Variants in RBMX2 observed in about 807,000 individuals in gnomAD.
The protein encoded by RBMX2 is RNA-binding motif protein, X-linked 2.
For missense variants in RBMX2, 191 were observed against 256.0 expected (o/e 0.75, Z 1.73); for synonymous variants, 77 against 94.3 (o/e 0.82, Z 1.07).
At chrX:130,407,864 T>G (rs935584180) in intron 3 of RBMX2, among the ~76,000 whole-genome samples, 3 of 111,002 alleles carry the variant, frequency 2.7e-5, no homozygotes, top group Non-Finnish European at 3.8e-5. Flanking sequence ...CTGGCCGTAT[T>G]GTCCAGGCTG....
chrX:130,404,713 G>A (rs2034475611), intron 3 of RBMX2, among the ~76,000 whole-genome samples: 2 of 112,923 alleles, frequency 1.8e-5, no homozygotes, highest in South Asian at 7.3e-4. Flanking sequence ...CATGGACAGA[G>A]GGCCCTGGCC....
chrX:130,402,555 A>C (rs746667171), intron 2 of RBMX2, among the ~76,000 whole-genome samples, 185 bp downstream of exon 2: 7 of 111,694 alleles, frequency 6.3e-5, no homozygotes, highest in Non-Finnish European at 1.1e-4. Flanking sequence ...CTTCCCTGCC[A>C]AATCAGTGCT....
chrX:130,406,091 G>A (rs1306978778), intron 3 of RBMX2, among the ~76,000 whole-genome samples: 1 of 66,165 alleles, frequency 1.5e-5, no homozygotes, highest in African/African-American at 1.6e-4. Flanking sequence ...TCTTGACCTC[G>A]TGATCCGCCC....
Position 130,412,853 on chromosome X carries a change from T to C in RBMX2, c.*5T>C. The C allele has an allele frequency of 8.3e-7, 1 of 1,199,978 alleles. No individual in the cohort carries two copies. Among genetic ancestry groups the C allele is most frequent in the South Asian group, 1.8e-5 (1 of 55,270 alleles). ...AGTGACCGTTGGCGTCACTGAAGAC[T>C]TCAGCTGCACAGTAGATTTGGAAAT... On this transcript the variant is annotated 3_prime_UTR_variant, in exon 6 of 6. Transcript: ENST00000305536.
chrX:130,403,611 G>C (rs779726903), intron 2 of RBMX2, among the ~76,000 whole-genome samples, 191 bp from the exon 3 acceptor site: 1 of 111,777 alleles, frequency 8.9e-6, no homozygotes. Flanking sequence ...GACCTCAGGT[G>C]ATCCACCCTC....
rs1286389851 is a variant in RBMX2 at position 130,413,343 on chromosome X, A to G, written c.*495A>G. 8.9e-6 allele frequency: 1 copy of G among 112,390 alleles called. No individual in the cohort carries two copies. Among genetic ancestry groups the G allele is most frequent in the Non-Finnish European group, 1.9e-5 (1 of 53,564 alleles). The allele number at this position is 112,390 out of a possible 1,213,427, so 9.3% of individuals were successfully genotyped here. On this transcript the variant is annotated 3_prime_UTR_variant, in exon 6 of 6. Coordinates refer to ENST00000305536, the MANE Select transcript of RBMX2 (RefSeq NM_016024.4). ...TTTCATTAAAACTTTTTTGTTCGAT[A>G]TGCCTCTTTCCACATTTTTTCCTTG...
At chrX:130,409,158 C>G in intron 3 of RBMX2, 99 bp from the exon 4 acceptor site, 1 of 752,110 alleles carries the variant, frequency 1.3e-6, no homozygotes, top group Non-Finnish European at 1.9e-6. Flanking sequence ...AGATGCATCT[C>G]TTGTATACAC....
rs192040820 is a variant in RBMX2 at position 130,403,654 on chromosome X, T to G, written c.122-148T>G. ...TCCCAAAGTGTTGGGATTACAGGCG[T>G]GAGCCACGGTGCCCAGCCCAGACTT... On this transcript the variant is annotated intron_variant, in intron 2 of 5. Transcript: ENST00000305536. 1.9e-3 allele frequency: 1,002 copies of G among 530,390 alleles called. 5 individuals carry two copies. Among genetic ancestry groups the G allele is most frequent in the African/African-American group, 0.01 (446 of 43,540 alleles). 43.7% of individuals were successfully genotyped at this position (530,390 alleles called of 1,213,427 possible).
In RBMX2 at chrX:130,411,277, G is replaced by C. The variant is rs1439567881; in HGVS notation, c.304-71G>C. The C allele has an allele frequency of 1.5e-5, 15 of 983,368 alleles. 1 individual carries two copies. In the South Asian group the frequency reaches 4.1e-4, roughly 27 times the overall value. The allele number at this position is 983,368 out of a possible 1,213,427, so 81.0% of individuals were successfully genotyped here. A position where few individuals can be genotyped will look rare whatever the true frequency, so the allele number is the denominator to read the frequency against. On this transcript the variant is annotated intron_variant, in intron 4 of 5. Transcript: ENST00000305536. ...GTAGTTCAAATCATGGTTCTCTGTAGCTTGTGTTCAAATAGTTTGACAGTT... is the reference window on the plus strand; with the variant it reads ...GTAGTTCAAATCATGGTTCTCTGTACCTTGTGTTCAAATAGTTTGACAGTT...
chrX:130,402,225 A>AACCGACC, intron 1 of RBMX2, 30 bp from the exon 2 acceptor site: 1 of 984,797 alleles, frequency 1.0e-6, no homozygotes, highest in Non-Finnish European at 1.4e-6. Flanking sequence ...TTTTCTGCCT[A>AACCGACC]CCCTCCCCAC....
rs1445227180 is a variant in RBMX2 at position 130,411,489 on chromosome X, T to G, written c.445T>G (p.Ser149Ala). Residue 149 changes from serine (S) to alanine (A), a missense_variant, in exon 5 of 6, where the codon TCT becomes GCT. Physicochemically the swap from Ser to Ala is moderately conservative, Grantham distance 99. Transcript: ENST00000305536. ...RTPSPSLSES[S>A]EDEKPTKKHK... is the part of the protein sequence containing the mutation. Reference sequence around the variant, plus strand: ...CCCCTCACCAAGTTTGTCTGAGAGCTCTGAAGATGAAAAACCAACAAAAAA... The same window carrying G: ...CCCCTCACCAAGTTTGTCTGAGAGCGCTGAAGATGAAAAACCAACAAAAAA... 2.5e-6 allele frequency: 3 copies of G among 1,197,945 alleles called. No homozygotes were observed. Among genetic ancestry groups the G allele is most frequent in the Non-Finnish European group, 3.4e-6 (3 of 890,720 alleles).
intron 4 of RBMX2, among the ~76,000 whole-genome samples, chrX:130,410,531 T>A (rs1429587657): frequency 9.1e-6 from 1 of 110,299 alleles, no homozygotes; most frequent in Non-Finnish European, 1.9e-5. Context: ...GAATTACAGG[T>A]GTGCACCACC....
At chrX:130,409,108 C>G in intron 3 of RBMX2, 149 bp from the exon 4 acceptor site, 1 of 441,054 alleles carries the variant, frequency 2.3e-6, no homozygotes, top group South Asian at 8.8e-5. Flanking sequence ...CTGTTCTTGT[C>G]TGACTTTTTC....
chrX:130,407,038 A>G (rs752029476), intron 3 of RBMX2, among the ~76,000 whole-genome samples: 5 of 110,705 alleles, frequency 4.5e-5, no homozygotes, highest in Admixed American at 9.6e-5. Flanking sequence ...ATTTTTTCTT[A>G]ATTTGATATG....
chrX:130,412,309 C>A, intron 5 of RBMX2, 52 bp from the exon 6 acceptor site: 1 of 1,001,648 alleles, frequency 1.0e-6, no homozygotes, highest in Non-Finnish European at 1.3e-6. Context: ...TAAGGGAGTT[C>A]TTTTATTTTT....
intron 2 of RBMX2, among the ~76,000 whole-genome samples, chrX:130,403,361 A>T (rs2034466126): frequency 9.0e-6 from 1 of 111,179 alleles, no homozygotes; most frequent in Admixed American, 9.5e-5. Context: ...GTCAGACTTA[A>T]TTTCTTTCTT....
intron 3 of RBMX2, among the ~76,000 whole-genome samples, chrX:130,408,345 T>C (rs1194962985): frequency 8.9e-6 from 1 of 112,377 alleles, no homozygotes; most frequent in Non-Finnish European, 1.9e-5. Flanking sequence ...TTCATTAGGT[T>C]TGCTTTCTTC....
At chrX:130,411,616 T>C in intron 5 of RBMX2, 91 bp downstream of exon 5, 1 of 871,992 alleles carries the variant, frequency 1.1e-6, no homozygotes, top group Non-Finnish European at 1.6e-6. Flanking sequence ...AACTCAAGTG[T>C]GAAAGGGGAA....
At chrX:130,403,882 G>A (rs2034469845) in intron 3 of RBMX2, 29 bp downstream of exon 3, 1 of 1,173,313 alleles carries the variant, frequency 8.5e-7, no homozygotes, top group Non-Finnish European at 1.2e-6. Context: ...CCTGCCTCCT[G>A]AGTCGACAGA....
Sources: gnomAD v4.1 joint callset for allele counts (sites outside exome capture counted in the v4.1 genomes callset) on GRCh38, gnomAD v4.1.1 for gene constraint, MANE v1.5 for transcripts, NCBI Gene and HGNC (gene_info 2026-07-23, HGNC 2026-07-21) for gene names.